Variants in POLR1C observed in about 807,000 individuals in gnomAD.
POLR1C encodes the protein DNA-directed RNA polymerases I and III subunit RPAC1.
POLR1C carries 42 observed loss-of-function variants against 38.3 expected under a neutral mutation model. The ratio of observed to expected loss-of-function variants is 1.10; its 90% CI spans 0.86 to 1.42. The LOEUF is 1.42. Among genes scored for constraint, POLR1C ranks in the 40% most tolerant of loss-of-function variants. POLR1C has a pLI of 0.00. For missense variants in POLR1C, 507 were observed against 450.5 expected, an observed-to-expected ratio of 1.13 and a Z score of -1.14; for synonymous variants, 163 against 163.9, an observed-to-expected ratio of 0.99 and a Z score of 0.04.
At chr6:43,523,671 C>G (rs1793343789), downstream of POLR1C, 1 of 883,056 alleles carries the variant, frequency 1.1e-6, no homozygotes, top group East Asian at 2.4e-5. Context: ...TAAGCCCTAA[C>G]TCCCTTTCTT....
intron 9 of POLR1C, among the ~76,000 whole-genome samples, chr6:43,548,950 T>C (rs1205497650): frequency 6.6e-6 from 1 of 152,160 alleles, no homozygotes; most frequent in Non-Finnish European, 1.5e-5. Context: ...ATTATAGGGG[T>C]AAACTTAGTA....
intron 9 of POLR1C, among the ~76,000 whole-genome samples, chr6:43,545,492 C>G (rs563818350): frequency 6.6e-6 from 1 of 151,876 alleles, no homozygotes; most frequent in Non-Finnish European, 1.5e-5. Context: ...TGATCACTTG[C>G]GGCCAGGAGT....
At chr6:43,518,269 C>T (rs776244704) in intron 2 of POLR1C, among the ~76,000 whole-genome samples, 1 of 152,260 alleles carries the variant, frequency 6.6e-6, no homozygotes, top group East Asian at 1.9e-4. Context: ...TGAACTAAGA[C>T]TGATGGTAGA....
chr6:43,530,659 G>A (rs780674560), downstream of POLR1C: 1 of 1,606,188 alleles, frequency 6.2e-7, no homozygotes, highest in Non-Finnish European at 8.5e-7. Flanking sequence ...CTGACCTTTT[G>A]GGTTATGTAG....
At chr6:43,549,352 C>G in intron 9 of POLR1C, 1 of 816,308 alleles carries the variant, frequency 1.2e-6, no homozygotes, top group Non-Finnish European at 1.8e-6. Flanking sequence ...GTGTGAGCCA[C>G]CATGCCCGGC....
intron 2 of POLR1C, among the ~76,000 whole-genome samples, chr6:43,518,460 A>G (rs1405537025): frequency 6.6e-6 from 1 of 152,182 alleles, no homozygotes; most frequent in East Asian, 1.9e-4. Context: ...ATGTGGAGAA[A>G]TCTAGCAGGC....
In POLR1C at chr6:43,520,173, G is replaced by C; in HGVS notation, c.490G>C (p.Val164Leu). The change falls in exon 5 of 9, where the codon GTG becomes CTG. Residue 164 changes from valine to leucine, a missense_variant. Transcript: ENST00000642195. ...TTCCTCTGACCCCAACGAACTGTAC[G>C]TGAACCACAAAGGTGAGTAGTGGTA... The part of the protein sequence containing the change: ...KDSSDPNELY[V>L]NHKVYTRHMT... 6.2e-7 allele frequency: 1 copy of C among 1,614,206 alleles called. No homozygotes were observed. The highest frequency in any genetic ancestry group is 1.1e-5 in the South Asian group (1 of 91,082).
chr6:43,539,423 A>G (rs1794557642), intron 9 of POLR1C: 7 of 1,564,986 alleles, frequency 4.5e-6, no homozygotes, highest in South Asian at 3.4e-5. Flanking sequence ...GAAAAAGTCA[A>G]TGATCTCTGA....
intron 9 of POLR1C, among the ~76,000 whole-genome samples, chr6:43,541,614 A>C (rs1161423760): frequency 1.3e-5 from 2 of 149,734 alleles, no homozygotes; most frequent in African/African-American, 5.1e-5. Context: ...ACCTGAGGCA[A>C]TCGCCAATGT....
chr6:43,557,374 C>T (rs932921143), intron 10 of POLR1C, among the ~76,000 whole-genome samples: 1 of 151,158 alleles, frequency 6.6e-6, no homozygotes, highest in African/African-American at 2.4e-5. Context: ...TGCAGTGAGC[C>T]GAGATTGTGC....
intron 10 of POLR1C, chr6:43,551,444 C>T (rs1326426777): frequency 1.2e-6 from 2 of 1,612,252 alleles, no homozygotes; most frequent in Non-Finnish European, 1.7e-6. Context: ...CCATCATTAA[C>T]AGGAATTTCC....
At position 43,520,275 on chromosome 6, in the gene POLR1C, T is replaced by C. The variant is rs760899351; in HGVS notation, c.503T>C (p.Val168Ala). Residue 168 changes from valine (V) to alanine (A), a missense_variant and splice_region_variant, in exon 6 of 9, where the codon GTG (valine) becomes GCG (alanine). Physicochemically the swap from Val to Ala is moderately conservative, Grantham distance 64 (BLOSUM62 0). Transcript: ENST00000642195. The stretch of plus-strand genomic sequence containing the variant: ...ATCTTCTGACATGTTTTTCCTCCAG[T>C]GTATACCAGGCATATGACATGGATC... The part of the protein sequence containing the change: ...DPNELYVNHK[V>A]YTRHMTWIPL... 1 of 1,613,076 alleles carries C rather than the reference T, an allele frequency of 6.2e-7. No homozygotes were observed. Among genetic ancestry groups the C allele is most frequent in the South Asian group, 1.1e-5 (1 of 91,084 alleles).
At chr6:43,555,737 A>G (rs1272820818) in intron 10 of POLR1C, 11 of 1,458,294 alleles carry the variant, frequency 7.5e-6, no homozygotes, top group Non-Finnish European at 9.3e-6. Flanking sequence ...TAGTATAAGT[A>G]TATCGTTCTG....
chr6:43,562,379 A>T, exon 11 of POLR1C: 3 of 1,487,382 alleles, frequency 2.0e-6, no homozygotes, highest in Non-Finnish European at 2.8e-6. Flanking sequence ...ATCACCAACA[A>T]AATTAAAAAG....
At chr6:43,526,670 C>T in intron 8 of POLR1C, 1 of 1,613,706 alleles carries the variant, frequency 6.2e-7, no homozygotes, top group Non-Finnish European at 8.5e-7. Context: ...TCCAAGGTCT[C>T]ACAGGCTCAC....
Position 43,551,171 on chromosome 6 carries a change from C to T in POLR1C, c.*48+160C>T, listed in dbSNP as rs1795210660. 9 of 968,470 alleles carry T rather than the reference C, an allele frequency of 9.3e-6. No homozygotes were observed. In the East Asian group the frequency reaches 2.6e-4, roughly 28 times the overall value. The allele number at this position is 968,470 out of a possible 1,614,324, so 60.0% of individuals were successfully genotyped here. A position where few individuals can be genotyped will look rare whatever the true frequency, so the allele number is the denominator to read the frequency against. On this transcript the variant is annotated intron_variant, in intron 10 of 10. Coordinates refer to the POLR1C transcript ENST00000607635. Reference sequence around the variant, plus strand: ...CTCAGAAGGGTGAGGTGTGAGGATCCCTTGAGACTAGTAATTTGAGTCCAG... The same window carrying T: ...CTCAGAAGGGTGAGGTGTGAGGATCTCTTGAGACTAGTAATTTGAGTCCAG...
At chr6:43,542,830 A>G (rs1253207285) in intron 9 of POLR1C, among the ~76,000 whole-genome samples, 1 of 152,194 alleles carries the variant, frequency 6.6e-6, no homozygotes, top group Non-Finnish European at 1.5e-5. Context: ...AACAGAAAAT[A>G]CACATTTCTT....
chr6:43,560,183 C>A, intron 10 of POLR1C: 1 of 1,612,526 alleles, frequency 6.2e-7, no homozygotes, highest in Non-Finnish European at 8.5e-7. Context: ...TATACCTTGA[C>A]CAAGTTAGTC....
chr6:43,521,982 A>G (rs931588782), downstream of POLR1C, among the ~76,000 whole-genome samples: 1 of 152,260 alleles, frequency 6.6e-6, no homozygotes. Context: ...CTGGGAGCAC[A>G]GCCAAACCCT....
Sources: allele counts gnomAD v4.1 joint callset (sites outside exome capture counted in the v4.1 genomes callset), GRCh38; gene constraint gnomAD v4.1.1; transcripts MANE v1.5; gene names NCBI Gene and HGNC (gene_info 2026-07-23, HGNC 2026-07-21).